EBAG9: variants seen among roughly 807,000 people sequenced by gnomAD.
EBAG9 encodes the protein estrogen receptor binding site associated antigen 9.
EBAG9 carries 16 observed loss-of-function variants against 30.9 expected under a neutral mutation model. That is an observed-to-expected ratio of 0.52 (90% CI 0.35 to 0.79). The LOEUF (loss-of-function observed/expected upper bound fraction) is 0.79, where lower values mean the gene tolerates loss of function less well. Ranked by LOEUF, EBAG9 falls within the 30% of genes least tolerant of loss-of-function variation. The pLI, the probability that EBAG9 is intolerant of heterozygous loss-of-function variation, is 0.01. For missense variants in EBAG9, 197 were observed against 242.1 expected (o/e 0.81, Z 1.24); for synonymous variants, 93 against 82.8 (o/e 1.12, Z -0.67).
At chr8:109,558,744 T>C (rs954731015) in intron 5 of EBAG9, among the ~76,000 whole-genome samples, 1 of 152,198 alleles carries the variant, frequency 6.6e-6, no homozygotes, top group Non-Finnish European at 1.5e-5. Context: ...ACCAAAAATA[T>C]CTTACCATTC....
chr8:109,557,480 G>A (rs1821623050), intron 5 of EBAG9, among the ~76,000 whole-genome samples: 1 of 152,256 alleles, frequency 6.6e-6, no homozygotes, highest in East Asian at 1.9e-4. Context: ...AGACAGCTGA[G>A]GTTCTCAACC....
chr8:109,557,574 TTTGA>T (rs1237701001), intron 5 of EBAG9, among the ~76,000 whole-genome samples: 1 of 148,286 alleles, frequency 6.7e-6, no homozygotes, highest in Admixed American at 6.6e-5. Context: ...TTAAGCATGC[TTTGA>T]TTGATTGATT....
At chr8:109,541,417 G>T (rs904593802) in intron 1 of EBAG9, among the ~76,000 whole-genome samples, 7 of 152,090 alleles carry the variant, frequency 4.6e-5, no homozygotes, top group African/African-American at 7.2e-5. Context: ...TTTAAATCCT[G>T]GGTAAGTGAA....
chr8:109,540,522 T>G (rs1210776390), intron 1 of EBAG9, 61 bp downstream of exon 1: 1 of 152,096 alleles, frequency 6.6e-6, no homozygotes, highest in East Asian at 1.9e-4. Flanking sequence ...ACCACTTAAG[T>G]TATGAAACTC....
chr8:109,544,259 T>C (rs1212985834), intron 1 of EBAG9, among the ~76,000 whole-genome samples: 1 of 152,228 alleles, frequency 6.6e-6, no homozygotes, highest in East Asian at 1.9e-4. Flanking sequence ...TAAGTAAGTA[T>C]GTGTAGAACT....
Position 109,554,958 on chromosome 8 carries a change from A to AT in EBAG9, c.321+71_321+72insT, listed in dbSNP as rs1171035211. ...TCCTATAGTTAAAATTAGGTGATAC[A>AT]ATTCACATTTATTAGAAAGCCTATT... On this transcript the variant is annotated intron_variant, in intron 4 of 6. Coordinates refer to ENST00000337573, the MANE Select transcript of EBAG9 (RefSeq NM_004215.5). 4.8e-6 allele frequency: 7 copies of AT among 1,446,354 alleles called. No individual in the cohort carries two copies. The Admixed American group carries it at 1.3e-4, about 27-fold the overall frequency. The allele number at this position is 1,446,354 out of a possible 1,614,324, so 89.6% of individuals were successfully genotyped here.
intron 3 of EBAG9, 25 bp downstream of exon 3, chr8:109,553,968 T>C (rs767199434): frequency 1.3e-6 from 2 of 1,526,240 alleles, no homozygotes; most frequent in African/African-American, 2.8e-5. Context: ...TGTGTTCTTT[T>C]GTTTTGTTTT....
At chr8:109,542,054 C>A (rs1821287717) in intron 1 of EBAG9, among the ~76,000 whole-genome samples, 1 of 152,126 alleles carries the variant, frequency 6.6e-6, no homozygotes, top group Non-Finnish European at 1.5e-5. Context: ...GATGTGCTTA[C>A]TCTGTGTTTA....
chr8:109,559,326 C>T (rs747212586), intron 5 of EBAG9, among the ~76,000 whole-genome samples: 14 of 151,978 alleles, frequency 9.2e-5, no homozygotes, highest in South Asian at 2.1e-4. Flanking sequence ...TGTGGTGGTG[C>T]GTGCCTGTAG....
chr8:109,557,623 A>G, intron 5 of EBAG9: 1 of 453,790 alleles, frequency 2.2e-6, no homozygotes, highest in Non-Finnish European at 4.4e-6. Flanking sequence ...CTCCAAATTC[A>G]GTGACTTAAA....
chr8:109,547,859 T>A (rs1414475468), intron 1 of EBAG9, among the ~76,000 whole-genome samples: 2 of 152,198 alleles, frequency 1.3e-5, no homozygotes, highest in Non-Finnish European at 2.9e-5. Context: ...TATTTTTGAA[T>A]TTTGAGAGGT....
intron 1 of EBAG9, among the ~76,000 whole-genome samples, chr8:109,548,504 C>T (rs535160944): frequency 1.3e-5 from 2 of 152,130 alleles, no homozygotes; most frequent in South Asian, 4.1e-4. Context: ...TAGAAATTAG[C>T]TTGTCAAGTT....
chr8:109,555,968 A>G (rs551842646), intron 4 of EBAG9, among the ~76,000 whole-genome samples: 3 of 152,220 alleles, frequency 2.0e-5, no homozygotes, highest in African/African-American at 7.2e-5. Context: ...CATCGTATCT[A>G]TCTATATGGT....
chr8:109,560,832 T>C lies in EBAG9; in HGVS notation c.430-6T>C, dbSNP rs368522796. 6.8e-6 allele frequency: 11 copies of C among 1,607,508 alleles called. No homozygotes were observed. The highest frequency in any genetic ancestry group is 3.3e-4 in the Middle Eastern group (2 of 6,038). On this transcript the variant is annotated splice_polypyrimidine_tract_variant and splice_region_variant and intron_variant, in intron 5 of 6. Coordinates refer to ENST00000337573, the MANE Select transcript of EBAG9 (RefSeq NM_004215.5). The stretch of plus-strand genomic sequence containing the variant: ...TCTCTTAATTTTGTTTTACTTTTCA[T>C]TGTAGTCTGAATTAGGTGACTTAGA...
chr8:109,557,049 A>G lies in EBAG9; in HGVS notation c.429+7A>G, dbSNP rs764217741. 2 of 1,553,058 alleles carry G rather than the reference A, an allele frequency of 1.3e-6. No homozygotes were observed. Among genetic ancestry groups the G allele is most frequent in the South Asian group, 2.3e-5 (2 of 85,740 alleles). Reference sequence around the variant, plus strand: ...GCCTTTTATTCATCAGTCTGTAAGTATGTTAATGGTTCTAGGGAAGGGTTT... The same window carrying G: ...GCCTTTTATTCATCAGTCTGTAAGTGTGTTAATGGTTCTAGGGAAGGGTTT... On this transcript the variant is annotated splice_region_variant and intron_variant, in intron 5 of 6. Coordinates refer to ENST00000337573, the MANE Select transcript of EBAG9 (RefSeq NM_004215.5).
At position 109,564,809 on chromosome 8, in the gene EBAG9, A is replaced by T. The variant is rs554023271; in HGVS notation, c.*250A>T. On this transcript the variant is annotated 3_prime_UTR_variant, in exon 7 of 7. Transcript: ENST00000337573. Reference sequence around the variant, plus strand: ...CAAATATAAGACATTTGTTTGCTGTACAGAAAGTATCACAAATGGAATATA... The same window carrying T: ...CAAATATAAGACATTTGTTTGCTGTTCAGAAAGTATCACAAATGGAATATA... The T allele has an allele frequency of 2.6e-5, 9 of 348,244 alleles. No individual in the cohort carries two copies. In the East Asian group the frequency reaches 4.8e-4, roughly 18 times the overall value. The allele number at this position is 348,244 out of a possible 1,614,324, so 21.6% of individuals were successfully genotyped here. A position where few individuals can be genotyped will look rare whatever the true frequency, so the allele number is the denominator to read the frequency against.
rs1251036097 is a variant in EBAG9 at position 109,560,830 on chromosome 8, CA to C, written c.430-7del. The C allele has an allele frequency of 2.5e-6, 4 of 1,605,266 alleles. No individual in the cohort carries two copies. In the African/African-American group the frequency reaches 5.4e-5, roughly 22 times the overall value. The stretch of plus-strand genomic sequence containing the variant: ...ACTCTCTTAATTTTGTTTTACTTTT[CA>C]TTGTAGTCTGAATTAGGTGACTTAG... On this transcript the variant is annotated splice_region_variant and splice_polypyrimidine_tract_variant and intron_variant, in intron 5 of 6. Transcript: ENST00000337573.
intron 1 of EBAG9, among the ~76,000 whole-genome samples, chr8:109,549,191 T>C (rs1821446178): frequency 3.9e-5 from 6 of 151,948 alleles, no homozygotes; most frequent in Admixed American, 3.9e-4. Context: ...TTTGCTAATA[T>C]AGTGAATGAC....
At chr8:109,551,353 T>C (rs959748561) in intron 2 of EBAG9, among the ~76,000 whole-genome samples, 2 of 152,082 alleles carry the variant, frequency 1.3e-5, no homozygotes, top group Non-Finnish European at 2.9e-5. Context: ...TTTTTCTGTT[T>C]GAGTAACATT....
Sources: gnomAD v4.1 joint callset for allele counts (sites outside exome capture counted in the v4.1 genomes callset) on GRCh38, gnomAD v4.1.1 for gene constraint, MANE v1.5 for transcripts, NCBI Gene and HGNC (gene_info 2026-07-23, HGNC 2026-07-21) for gene names.